The following DENND5B variants were observed in gnomAD, a reference collection of about 807,000 sequenced individuals.
DENND5B encodes the protein DENN domain-containing protein 5B.
Under a neutral mutation model 140.6 loss-of-function variants are expected in DENND5B, and 34 were observed. That is an observed-to-expected ratio of 0.24 (90% CI 0.18 to 0.32). DENND5B has a LOEUF of 0.32. Among genes scored for constraint, DENND5B ranks in the 10% least tolerant of loss-of-function variants. DENND5B has a pLI of 1.00. For synonymous variants in DENND5B, 551 were observed against 562.1 expected (o/e 0.98, Z 0.28); for missense variants, 1,142 against 1,560.2 (o/e 0.73, Z 4.52).
intron 2 of DENND5B, among the ~76,000 whole-genome samples, chr12:31,481,425 CATAAACT>C (rs1213575153): frequency 6.6e-6 from 1 of 152,082 alleles, no homozygotes; most frequent in Non-Finnish European, 1.5e-5. Flanking sequence ...TTTTAAAAAT[CATAAACT>C]ATAAAGTAAG....
At chr12:31,388,979 C>T (rs888339731) in intron 20 of DENND5B, among the ~76,000 whole-genome samples, 2 of 152,164 alleles carry the variant, frequency 1.3e-5, no homozygotes, top group Admixed American at 6.5e-5. Context: ...GTGAACCTGG[C>T]TCTGTCTCAT....
At chr12:31,507,965 A>T (rs1205601233) in intron 1 of DENND5B, among the ~76,000 whole-genome samples, 1 of 152,220 alleles carries the variant, frequency 6.6e-6, no homozygotes, top group Middle Eastern at 3.2e-3. Context: ...GAAATTATTT[A>T]TCCAATGTAT....
chr12:31,554,225 T>A (rs1191501485), intron 1 of DENND5B, among the ~76,000 whole-genome samples: 8 of 149,280 alleles, frequency 5.4e-5, no homozygotes, highest in African/African-American at 2.0e-4. Context: ...CCATGTTTAG[T>A]GCTTCCTTCA....
chr12:31,538,716 A>C (rs1948586295), intron 1 of DENND5B, among the ~76,000 whole-genome samples: 1 of 152,066 alleles, frequency 6.6e-6, no homozygotes, highest in Non-Finnish European at 1.5e-5. Context: ...AAAATACAAA[A>C]AAATTAGCCG....
At chr12:31,427,538 G>A (rs181651503) in intron 8 of DENND5B, among the ~76,000 whole-genome samples, 457 of 151,772 alleles carry the variant, frequency 3.0e-3, no homozygotes, top group Non-Finnish European at 4.8e-3. Context: ...CCTGGGAGGC[G>A]GAGATTGCAG....
chr12:31,389,949 A>G (rs1278875573), intron 19 of DENND5B, among the ~76,000 whole-genome samples: 1 of 152,072 alleles, frequency 6.6e-6, no homozygotes, highest in Non-Finnish European at 1.5e-5. Context: ...AGAGAGATAT[A>G]TGTATATACA....
At chr12:31,438,104 T>C (rs140280569) in intron 7 of DENND5B, among the ~76,000 whole-genome samples, 1,751 of 152,256 alleles carry the variant, frequency 0.012, 23 homozygotes, top group African/African-American at 0.04. Context: ...GCCTCCCGAG[T>C]ATCTGGAATT....
intron 1 of DENND5B, among the ~76,000 whole-genome samples, chr12:31,545,882 T>C (rs1449482348): frequency 7.3e-6 from 1 of 137,916 alleles, no homozygotes; most frequent in Non-Finnish European, 1.5e-5. Context: ...TCACTCGAGA[T>C]AGAGGTTGCA....
rs745919453 is a variant in DENND5B, at chr12:31,455,405, A to G, written c.1093-2929T>C. ...CTTCATGATCCCACAAAAGTCTCCT[A>G]TGTCTGCTTAAGAAGGGCCCAAGCT... On this transcript the variant is annotated intron_variant, in intron 4 of 20. Coordinates refer to ENST00000389082, the MANE Select transcript of DENND5B (RefSeq NM_144973.4). 9.6e-4 allele frequency among the ~76,000 whole-genome samples: 146 copies of G among 152,178 alleles called. 1 individual carries two copies. Among genetic ancestry groups the G allele is most frequent in the Non-Finnish European group, 1.5e-3 (99 of 68,026 alleles).
At chr12:31,445,721 G>C (rs1336461764) in intron 6 of DENND5B, among the ~76,000 whole-genome samples, 1 of 147,232 alleles carries the variant, frequency 6.8e-6, no homozygotes, top group Non-Finnish European at 1.5e-5. Context: ...AAAGGGTGCT[G>C]GGCTCACACC....
intron 1 of DENND5B, among the ~76,000 whole-genome samples, chr12:31,509,439 A>C (rs1424673478): frequency 6.6e-6 from 1 of 152,210 alleles, no homozygotes; most frequent in Non-Finnish European, 1.5e-5. Context: ...AGGCCTAGCT[A>C]CTTGGGAGGC....
At position 31,587,812 on chromosome 12, in the gene DENND5B, G is replaced by A. The variant is rs1350902753; in HGVS notation, c.127+2894C>T. Among the ~76,000 whole-genome samples the A allele has an allele frequency of 3.9e-5, 6 of 152,168 alleles. 1 individual carries two copies. The South Asian group carries it at 1.0e-3, about 26-fold the overall frequency. ...TCCACCTGCCTCGGCCTTCCAAAGT[G>A]CTAGGATTATAGGCGTGAGCCACAG... is the stretch of plus-strand genomic sequence containing the variant. On this transcript the variant is annotated intron_variant, in intron 1 of 20. Coordinates refer to ENST00000389082, the MANE Select transcript of DENND5B (RefSeq NM_144973.4).
chr12:31,459,075 G>T (rs190355781), intron 4 of DENND5B, among the ~76,000 whole-genome samples: 1 of 152,194 alleles, frequency 6.6e-6, no homozygotes, highest in Admixed American at 6.5e-5. Context: ...AGCTGGGCGT[G>T]GTGGTGCATG....
intron 1 of DENND5B, among the ~76,000 whole-genome samples, chr12:31,545,209 T>C (rs915142147): frequency 6.6e-6 from 1 of 152,204 alleles, no homozygotes; most frequent in African/African-American, 2.4e-5. Flanking sequence ...GTTTTTTCAT[T>C]TCCTTTCCTA....
At chr12:31,499,657 G>C (rs1407750704) in intron 1 of DENND5B, 1 of 1,500,646 alleles carries the variant, frequency 6.7e-7, no homozygotes. Context: ...TCTGCTTCTA[G>C]CCATTGGTAC....
At chr12:31,589,488 CTGAGT>C (rs143811270) in intron 1 of DENND5B, among the ~76,000 whole-genome samples, 3,053 of 152,148 alleles carry the variant, frequency 0.02, 112 homozygotes, top group African/African-American at 0.07. Flanking sequence ...TGCTCTGAAG[CTGAGT>C]TAAGAAGAAG....
In DENND5B at chr12:31,387,388, C is replaced by A; in HGVS notation, c.*215G>T. 2.1e-6 allele frequency: 1 copy of A among 478,982 alleles called. No individual in the cohort carries two copies. Among genetic ancestry groups the A allele is most frequent in the Non-Finnish European group, 3.7e-6 (1 of 270,338 alleles). The allele number at this position is 478,982 out of a possible 1,614,324, so 29.7% of individuals were successfully genotyped here. On this transcript the variant is annotated 3_prime_UTR_variant, in exon 21 of 21. Coordinates refer to ENST00000389082, the MANE Select transcript of DENND5B (RefSeq NM_144973.4). The stretch of plus-strand genomic sequence containing the variant: ...TTAAAGAAGATAGCATATTTACACA[C>A]ATCTAACACATGAAAATACTCTATT...
intron 17 of DENND5B, among the ~76,000 whole-genome samples, chr12:31,395,953 A>T (rs1181237147): frequency 1.3e-5 from 2 of 151,248 alleles, no homozygotes; most frequent in Admixed American, 1.3e-4. Context: ...AAAAAAAAAA[A>T]AAAAAAAAAA....
chr12:31,544,128 C>T (rs1277962561), intron 1 of DENND5B, among the ~76,000 whole-genome samples: 1 of 152,134 alleles, frequency 6.6e-6, no homozygotes, highest in Non-Finnish European at 1.5e-5. Context: ...TGTACCACTG[C>T]ACTCCAGCCT....
Sources: gnomAD v4.1 joint callset for allele counts (sites outside exome capture counted in the v4.1 genomes callset) on GRCh38, gnomAD v4.1.1 for gene constraint, MANE v1.5 for transcripts, NCBI Gene and HGNC (gene_info 2026-07-23, HGNC 2026-07-21) for gene names.